Variants in NDUFA1 observed in about 807,000 individuals in gnomAD.
NDUFA1 encodes the protein NADH:ubiquinone oxidoreductase subunit A1.
For synonymous variants in NDUFA1, 21 were observed against 20.0 expected (o/e 1.05, Z -0.14); for missense variants, 42 against 56.0 (o/e 0.75, Z 0.80).
intron 2 of NDUFA1, among the ~76,000 whole-genome samples, chrX:119,875,317 C>CTTTGTTTTTTTT (rs2056432403): frequency 1.7e-5 from 1 of 59,638 alleles, no homozygotes; most frequent in African/African-American, 7.4e-5. Flanking sequence ...ACTGATGAGT[C>CTTTGTTTTTTTT]TTTTTTTTTT....
At chrX:119,874,189 G>C (rs1379196343) in intron 2 of NDUFA1, among the ~76,000 whole-genome samples, 1 of 107,207 alleles carries the variant, frequency 9.3e-6, no homozygotes, top group Non-Finnish European at 1.9e-5. Context: ...GCTGAGGCAG[G>C]AGGACAGCTT....
In NDUFA1 at chrX:119,875,317, C is replaced by CTTT. The variant is rs61235666; in HGVS notation, c.193-1174_193-1172dup. On this transcript the variant is annotated intron_variant, in intron 2 of 2. Transcript: ENST00000371437. ...AGAAGAAGTGTCATCACTGATGAGT[C>CTTT]TTTTTTTTTTTTTTTTTTTTTTTTT... is the stretch of plus-strand genomic sequence containing the variant. Among the ~76,000 whole-genome samples the CTTT allele has an allele frequency of 5.8e-3, 344 of 59,601 alleles. 17 individuals are homozygous for CTTT. Among genetic ancestry groups the CTTT allele is most frequent in the African/African-American group, 0.018 (245 of 13,494 alleles). The allele number at this position is 59,601 out of a possible 115,157, so 51.8% of individuals were successfully genotyped here. A position where few individuals can be genotyped will look rare whatever the true frequency, so the allele number is the denominator to read the frequency against.
chrX:119,873,323 T>C lies in NDUFA1; in HGVS notation c.122T>C (p.Phe41Ser). ...TTGAAGGAAAAAAGGGTTGCTCATT[T>C]TGGGTATCACTGGAGTCTGATGGAA... ...NGGKEKRVAH[F>S]GYHWSLMERD... is the part of the protein sequence containing the mutation. The change falls in exon 2 of 3, where the codon TTT becomes TCT. Residue 41 changes from phenylalanine to serine, a missense_variant. By Grantham distance (155) the Phe-to-Ser change is radical. Coordinates refer to ENST00000371437, the MANE Select transcript of NDUFA1 (RefSeq NM_004541.4). 3.3e-6 allele frequency: 4 copies of C among 1,210,152 alleles called. No individual in the cohort carries two copies. The highest frequency in any genetic ancestry group is 4.5e-6 in the Non-Finnish European group (4 of 894,296).
intron 2 of NDUFA1, among the ~76,000 whole-genome samples, chrX:119,874,259 C>T (rs1172301458): frequency 3.3e-5 from 3 of 90,756 alleles, no homozygotes; most frequent in South Asian, 1.2e-3. Flanking sequence ...CCAGCCCGGG[C>T]GAGAGAATGA....
intron 2 of NDUFA1, among the ~76,000 whole-genome samples, chrX:119,876,025 C>T (rs1205211766): frequency 3.6e-5 from 4 of 109,929 alleles, no homozygotes; most frequent in African/African-American, 1.3e-4. Flanking sequence ...GCCAACATGG[C>T]GAAACCCCTT....
intron 2 of NDUFA1, 59 bp downstream of exon 2, chrX:119,873,452 C>T (rs1375513471): frequency 1.0e-6 from 1 of 958,256 alleles, no homozygotes; most frequent in Non-Finnish European, 1.5e-6. Context: ...CTGGTAATGC[C>T]TTGCCAAGGG....
intron 2 of NDUFA1, among the ~76,000 whole-genome samples, chrX:119,874,806 C>T (rs960268010): frequency 8.9e-6 from 1 of 111,755 alleles, no homozygotes; most frequent in Non-Finnish European, 1.9e-5. Context: ...TCAAGTGATC[C>T]GCCCACCTCA....
At chrX:119,872,617 C>CA (rs1304678214) in intron 1 of NDUFA1, among the ~76,000 whole-genome samples, 32 of 102,294 alleles carry the variant, frequency 3.1e-4, no homozygotes, top group South Asian at 2.9e-3. Context: ...AACTCCGTCT[C>CA]AAAAAAAAAT....
intron 1 of NDUFA1, among the ~76,000 whole-genome samples, 189 bp downstream of exon 1, chrX:119,872,202 G>T (rs1431289632): frequency 8.9e-6 from 1 of 112,417 alleles, no homozygotes; most frequent in Non-Finnish European, 1.9e-5. Flanking sequence ...GAAAAACAGC[G>T]TTTCTGGGTG....
intron 2 of NDUFA1, 87 bp downstream of exon 2, chrX:119,873,480 A>G (rs2056424486): frequency 3.0e-6 from 2 of 668,383 alleles, no homozygotes; most frequent in African/African-American, 4.3e-5. Flanking sequence ...GTGCTAATAT[A>G]TAACTAGCAT....
chrX:119,873,468 C>T (rs376215974), intron 2 of NDUFA1, 75 bp downstream of exon 2: 6 of 789,907 alleles, frequency 7.6e-6, no homozygotes, highest in Admixed American at 4.5e-5. Context: ...AAGGGTCATA[C>T]AGTGCTAATA....
At chrX:119,875,929 G>A (rs1188319161) in intron 2 of NDUFA1, among the ~76,000 whole-genome samples, 1 of 111,080 alleles carries the variant, frequency 9.0e-6, no homozygotes, top group Non-Finnish European at 1.9e-5. Context: ...TGGAGGCCAG[G>A]CATAGTGGCT....
intron 2 of NDUFA1, among the ~76,000 whole-genome samples, chrX:119,875,632 T>G (rs1227245445): frequency 9.0e-6 from 1 of 110,730 alleles, no homozygotes; most frequent in Non-Finnish European, 1.9e-5. Flanking sequence ...TTATAGCTTC[T>G]GAAGTATTTG....
chrX:119,874,505 A>G (rs1398513660), intron 2 of NDUFA1, among the ~76,000 whole-genome samples: 1 of 111,365 alleles, frequency 9.0e-6, no homozygotes, highest in Non-Finnish European at 1.9e-5. Flanking sequence ...AAAACGACCA[A>G]GCAGTAGCAT....
At position 119,872,032 on chromosome X, in the gene NDUFA1, G is replaced by A. The variant is rs771241064; in HGVS notation, c.102+19G>A. 3 of 1,184,867 alleles carry A rather than the reference G, an allele frequency of 2.5e-6. No individual in the cohort carries two copies. Among genetic ancestry groups the A allele is most frequent in the South Asian group, 3.5e-5 (2 of 56,413 alleles). On this transcript the variant is annotated intron_variant, in intron 1 of 2. Coordinates refer to ENST00000371437, the MANE Select transcript of NDUFA1 (RefSeq NM_004541.4). Reference sequence around the variant, plus strand: ...GGGCAAGGTAAGCCGGCTTCGGCCCGGGGGCCGACTCCACGGGCTGATTTC... The same window carrying A: ...GGGCAAGGTAAGCCGGCTTCGGCCCAGGGGCCGACTCCACGGGCTGATTTC...
rs61235666 is a variant in NDUFA1, at chrX:119,875,317, C to CTTTTTTTT, written c.193-1179_193-1172dup. Among the ~76,000 whole-genome samples the CTTTTTTTT allele has an allele frequency of 8.2e-4, 49 of 59,630 alleles. 3 individuals are homozygous for CTTTTTTTT. The highest frequency in any genetic ancestry group is 3.0e-3 in the African/African-American group (40 of 13,509). The allele number at this position is 59,630 out of a possible 115,157, so 51.8% of individuals were successfully genotyped here. ...AGAAGAAGTGTCATCACTGATGAGT[C>CTTTTTTTT]TTTTTTTTTTTTTTTTTTTTTTTTT... On this transcript the variant is annotated intron_variant, in intron 2 of 2. Transcript: ENST00000371437.
chrX:119,873,045 CTT>C (rs373911727), intron 1 of NDUFA1, among the ~76,000 whole-genome samples: 1 of 81,959 alleles, frequency 1.2e-5, no homozygotes, highest in Non-Finnish European at 2.4e-5. Context: ...CTAGATATTT[CTT>C]TTTTTTTTTT....
chrX:119,875,299 G>T (rs2056432132), intron 2 of NDUFA1, among the ~76,000 whole-genome samples: 1 of 102,891 alleles, frequency 9.7e-6, no homozygotes, highest in Non-Finnish European at 2.0e-5. Flanking sequence ...CCTAGAAGAA[G>T]TGTCATCACT....
At chrX:119,875,317 CTTTTTTTTTTTT>C (rs61235666) in intron 2 of NDUFA1, among the ~76,000 whole-genome samples, 5 of 59,638 alleles carry the variant, frequency 8.4e-5, no homozygotes, top group South Asian at 1.1e-3. Context: ...ACTGATGAGT[CTTTTTTTTTTTT>C]TTTTTTTTTT....
Sources: allele counts gnomAD v4.1 joint callset (sites outside exome capture counted in the v4.1 genomes callset), GRCh38; gene constraint gnomAD v4.1.1; transcripts MANE v1.5; gene names NCBI Gene and HGNC (gene_info 2026-07-23, HGNC 2026-07-21).